The following TACR1 variants were observed in gnomAD, a reference collection of about 807,000 sequenced individuals.
TACR1 encodes substance-P receptor.
In TACR1, 25 loss-of-function variants were observed where a neutral mutation model predicts 35.8. That is an observed-to-expected ratio of 0.70 (90% CI 0.51 to 0.98). The LOEUF (loss-of-function observed/expected upper bound fraction) is 0.98. Ranked by LOEUF, TACR1 falls within the 50% of genes least tolerant of loss-of-function variation. TACR1 has a pLI of 0.00. For missense variants in TACR1, 478 were observed against 522.9 expected (o/e 0.91, Z 0.84); for synonymous variants, 195 against 206.7 (o/e 0.94, Z 0.48).
At chr2:75,143,427 C>T (rs756986393) in intron 1 of TACR1, among the ~76,000 whole-genome samples, 2 of 152,118 alleles carry the variant, frequency 1.3e-5, no homozygotes, top group African/African-American at 4.8e-5. Flanking sequence ...AAAAAGAAAA[C>T]ATCAGGGAAG....
At chr2:75,111,312 T>C (rs958294538) in intron 2 of TACR1, among the ~76,000 whole-genome samples, 1 of 152,004 alleles carries the variant, frequency 6.6e-6, no homozygotes, top group African/African-American at 2.4e-5. Flanking sequence ...GGAATTTATA[T>C]TGGTTTTAAG....
chr2:75,093,289 A>G (rs1478678269), intron 2 of TACR1, among the ~76,000 whole-genome samples: 1 of 152,182 alleles, frequency 6.6e-6, no homozygotes, highest in Admixed American at 6.6e-5. Flanking sequence ...CCATCTTTGC[A>G]TAGCATCTAT....
chr2:75,095,452 T>C (rs1272951326), intron 2 of TACR1, among the ~76,000 whole-genome samples: 2 of 152,080 alleles, frequency 1.3e-5, no homozygotes, highest in African/African-American at 4.8e-5. Flanking sequence ...GTGATATTGA[T>C]CTAAATCTTG....
rs140467784 is a variant in TACR1 at position 75,166,586 on chromosome 2, C to T, written c.389+31960G>A. Among the ~76,000 whole-genome samples, 21 of 152,306 alleles carry T rather than the reference C, an allele frequency of 1.4e-4. No individual in the cohort carries two copies. The East Asian group carries it at 4.0e-3, about 29-fold the overall frequency. On this transcript the variant is annotated intron_variant, in intron 1 of 4. Coordinates refer to ENST00000305249, the MANE Select transcript of TACR1 (RefSeq NM_001058.4). Reference sequence around the variant, plus strand: ...TATTGGTCTTTGGCCTTGGGGCTCTCACTGACTCTTCCAGAGATAGCAATC... The same window carrying T: ...TATTGGTCTTTGGCCTTGGGGCTCTTACTGACTCTTCCAGAGATAGCAATC...
rs74668700 is a variant in TACR1 at position 75,132,995 on chromosome 2, G to A, written c.390-12227C>T. 4.6e-3 allele frequency among the ~76,000 whole-genome samples: 697 copies of A among 152,278 alleles called. 9 individuals are homozygous for A. The highest frequency in any genetic ancestry group is 0.016 in the African/African-American group (660 of 41,542). On this transcript the variant is annotated intron_variant, in intron 1 of 4. Coordinates refer to ENST00000305249, the MANE Select transcript of TACR1 (RefSeq NM_001058.4). Reference sequence around the variant, plus strand: ...CGTTTCTAGTTCTCTTTTACACTGAGGATATAGCTTTTTGGTTTCCAACTT... The same window carrying A: ...CGTTTCTAGTTCTCTTTTACACTGAAGATATAGCTTTTTGGTTTCCAACTT...
chr2:75,163,900 C>CA, intron 1 of TACR1, among the ~76,000 whole-genome samples: 1 of 151,866 alleles, frequency 6.6e-6, no homozygotes, highest in African/African-American at 2.4e-5. Context: ...ATATTTTGCA[C>CA]AAAATGATTC....
intron 1 of TACR1, among the ~76,000 whole-genome samples, chr2:75,139,561 G>A (rs1279173274): frequency 6.6e-6 from 1 of 152,172 alleles, no homozygotes; most frequent in African/African-American, 2.4e-5. Flanking sequence ...AGTGGACAGT[G>A]GCATCTTTCT....
chr2:75,170,981 C>G (rs1443105766), intron 1 of TACR1, among the ~76,000 whole-genome samples: 2 of 151,984 alleles, frequency 1.3e-5, no homozygotes, highest in Non-Finnish European at 2.9e-5. Flanking sequence ...CCTGATGATG[C>G]GATATGAGGA....
intron 1 of TACR1, among the ~76,000 whole-genome samples, chr2:75,176,292 A>T (rs1050148768): frequency 2.0e-5 from 3 of 151,024 alleles, no homozygotes; most frequent in African/African-American, 7.3e-5. Context: ...ATATCTATAA[A>T]TTTTTTTCAT....
chr2:75,129,989 G>T (rs1005482896), intron 1 of TACR1, among the ~76,000 whole-genome samples: 1 of 152,194 alleles, frequency 6.6e-6, no homozygotes, highest in South Asian at 2.1e-4. Context: ...GAATCTGTGG[G>T]CTGGGATTGG....
At chr2:75,129,471 G>A (rs1674138800) in intron 1 of TACR1, among the ~76,000 whole-genome samples, 1 of 152,138 alleles carries the variant, frequency 6.6e-6, no homozygotes, top group South Asian at 2.1e-4. Flanking sequence ...AAAATAAATT[G>A]TCGTTGAATG....
intron 2 of TACR1, among the ~76,000 whole-genome samples, chr2:75,089,121 A>G (rs1356154485): frequency 1.3e-5 from 2 of 152,220 alleles, no homozygotes; most frequent in African/African-American, 2.4e-5. Flanking sequence ...CAGGGCTGCA[A>G]GGCAGGTACA....
chr2:75,123,730 A>G lies in TACR1; in HGVS notation c.390-2962T>C, dbSNP rs557419458. 1.9e-4 allele frequency among the ~76,000 whole-genome samples: 29 copies of G among 151,792 alleles called. No homozygotes were observed. The South Asian group carries it at 5.9e-3, about 31-fold the overall frequency. On this transcript the variant is annotated intron_variant, in intron 1 of 4. Coordinates refer to ENST00000305249, the MANE Select transcript of TACR1 (RefSeq NM_001058.4). ...TTTCCTCTCTTTCCTCCTTTCTTCT[A>G]TCCCTCTCTTGCAATCCTCATTTCT...
intron 1 of TACR1, among the ~76,000 whole-genome samples, chr2:75,195,170 TAG>T (rs1454356492): frequency 3.3e-5 from 5 of 152,226 alleles, no homozygotes; most frequent in Non-Finnish European, 7.4e-5. Context: ...AGAGAAATTA[TAG>T]AGTTTCAATA....
intron 1 of TACR1, among the ~76,000 whole-genome samples, chr2:75,127,080 C>A (rs963809593): frequency 1.3e-5 from 2 of 152,162 alleles, no homozygotes; most frequent in African/African-American, 4.8e-5. Flanking sequence ...ATGGCATCAC[C>A]CTCTGGCTCT....
intron 1 of TACR1, among the ~76,000 whole-genome samples, chr2:75,198,014 AAAC>A (rs557300076): frequency 5.5e-4 from 84 of 152,260 alleles, no homozygotes; most frequent in African/African-American, 1.7e-3. Flanking sequence ...CCAACCAACC[AAAC>A]AACAACAACA....
chr2:75,160,604 A>C (rs2103991370), intron 1 of TACR1, among the ~76,000 whole-genome samples: 1 of 151,882 alleles, frequency 6.6e-6, no homozygotes, highest in East Asian at 1.9e-4. Context: ...CGGATTCAGC[A>C]TCAGAACAGG....
chr2:75,120,714 T>C lies in TACR1; in HGVS notation c.444A>G (p.Lys148=), dbSNP rs1184544832. 1.2e-6 allele frequency: 2 copies of C among 1,613,726 alleles called. No individual in the cohort carries two copies. Among genetic ancestry groups the C allele is most frequent in the African/African-American group, 2.7e-5 (2 of 74,878 alleles). The part of the protein sequence containing the change: ...LQPRLSATAT[K]VVICVIWVLA... ...GGACCCAGATGACACAGATGACCAC[T>C]TTGGTGGCTGTGGCTGACAGCCGGG... is the stretch of plus-strand genomic sequence containing the variant. The change falls in exon 2 of 5, where the codon AAA becomes AAG. Residue 148 remains lysine (K), a synonymous_variant. Coordinates refer to ENST00000305249, the MANE Select transcript of TACR1 (RefSeq NM_001058.4).
chr2:75,110,645 A>G (rs1041795261), intron 2 of TACR1, among the ~76,000 whole-genome samples: 1 of 152,098 alleles, frequency 6.6e-6, no homozygotes, highest in Admixed American at 6.5e-5. Flanking sequence ...ATCATAATAT[A>G]TGATCGGTAT....
Sources: allele counts gnomAD v4.1 joint callset (sites outside exome capture counted in the v4.1 genomes callset), GRCh38; gene constraint gnomAD v4.1.1; transcripts MANE v1.5; gene names NCBI Gene and HGNC (gene_info 2026-07-23, HGNC 2026-07-21).